ATP2A3: variants seen among roughly 807,000 people sequenced by gnomAD.
ATP2A3 encodes the protein ATPase sarcoplasmic/endoplasmic reticulum Ca2+ transporting 3.
A neutral mutation model predicts 106.8 loss-of-function variants in ATP2A3; 61 were observed. The ratio of observed to expected loss-of-function variants is 0.57; its 90% CI spans 0.46 to 0.71. The LOEUF is 0.71. Among genes scored for constraint, ATP2A3 ranks in the 30% least tolerant of loss-of-function variants. ATP2A3 has a pLI of 0.00. For synonymous variants in ATP2A3, 611 were observed against 609.3 expected, an observed-to-expected ratio of 1.00 and a Z score of -0.04; for missense variants, 1,201 against 1,423.5, an observed-to-expected ratio of 0.84 and a Z score of 2.52.
chr17:3,928,809 T>A lies in ATP2A3; in HGVS notation c.2863-29A>T. 6.6e-7 allele frequency: 1 copy of A among 1,523,500 alleles called. No individual in the cohort carries two copies. The highest frequency in any genetic ancestry group is 8.9e-7 in the Non-Finnish European group (1 of 1,121,866). 94.4% of individuals were successfully genotyped at this position (1,523,500 alleles called of 1,614,324 possible). On this transcript the variant is annotated intron_variant, in intron 19 of 20. Coordinates refer to ENST00000397041, the MANE Select transcript of ATP2A3 (RefSeq NM_005173.4). The surrounding 1 kb of genome is among the most constrained non-coding windows in gnomAD (Gnocchi z 6.1). ...GCGGGGAGGGGAAGGGAGGTTTGGT[T>A]AAAGGAAGGACTGGCTGTCCCGTGC...
At position 3,939,393 on chromosome 17, in the gene ATP2A3, T is replaced by C. The variant is rs142090116; in HGVS notation, c.2100+1578A>G. Among the ~76,000 whole-genome samples the C allele has an allele frequency of 1.1e-4, 17 of 151,916 alleles. 1 individual carries two copies. In the East Asian group the frequency reaches 2.5e-3, roughly 22 times the overall value. On this transcript the variant is annotated intron_variant, in intron 14 of 20. Coordinates refer to ENST00000397041, the MANE Select transcript of ATP2A3 (RefSeq NM_005173.4). The stretch of plus-strand genomic sequence containing the variant: ...GAGAGGCTGAGGTCAGAAGAATAGG[T>C]CAGCAATTAAGAACAAAAACTAGGC...
chr17:3,932,361 C>G (rs1418936914), intron 17 of ATP2A3, among the ~76,000 whole-genome samples: 1 of 152,124 alleles, frequency 6.6e-6, no homozygotes, highest in Non-Finnish European at 1.5e-5. Flanking sequence ...CTAGGCTGGT[C>G]TCGATCTCCT....
Position 3,952,322 on chromosome 17 carries a change from G to A in ATP2A3, c.220-637C>T, listed in dbSNP as rs182782891. 2.0e-4 allele frequency among the ~76,000 whole-genome samples: 30 copies of A among 152,128 alleles called. 1 individual carries two copies. The East Asian group carries it at 2.9e-3, about 15-fold the overall frequency. ...CTGAACTCCTGAGCTCACCCGCCTCGGCCTGCCAAAGTGCTAGGATTACAG... is the reference window on the plus strand; with the variant it reads ...CTGAACTCCTGAGCTCACCCGCCTCAGCCTGCCAAAGTGCTAGGATTACAG... On this transcript the variant is annotated intron_variant, in intron 3 of 20. Coordinates refer to ENST00000397041, the MANE Select transcript of ATP2A3 (RefSeq NM_005173.4).
rs1567704522 is a variant in ATP2A3, at chr17:3,945,348, C to T, written c.1096-200G>A. On this transcript the variant is annotated intron_variant, in intron 8 of 20. Coordinates refer to ENST00000397041, the MANE Select transcript of ATP2A3 (RefSeq NM_005173.4). ...GACCGTCTGCTCTGCCAGATGTGTC[C>T]GGCTCCGGTTTGTCCCAATGTCCTG... is the stretch of plus-strand genomic sequence containing the variant. The T allele has an allele frequency of 9.7e-6, 5 of 515,800 alleles. No individual in the cohort carries two copies. The East Asian group carries it at 1.0e-4, about 11-fold the overall frequency. 32.0% of individuals were successfully genotyped at this position (515,800 alleles called of 1,614,324 possible). A position where few individuals can be genotyped will look rare whatever the true frequency, so the allele number is the denominator to read the frequency against.
rs780933605 is a variant in ATP2A3, at chr17:3,953,372, AG to A, written c.193del (p.Leu65CysfsTer32). On this transcript the variant is annotated frameshift_variant, in exon 3 of 21. Coordinates refer to ENST00000397041, the MANE Select transcript of ATP2A3 (RefSeq NM_005173.4). LOFTEE classifies it high-confidence loss of function. This position sits in a 1 kb window ranked among gnomAD's most constrained non-coding sequence, Gnocchi z 5.1. ...AAAGGAGACAAGGGCAGCCAGCAGC[AG>A]GATGCGCACCAGGAGGTCCTCAAAC... ...EQFEDLLVRI[L>X]LLAALVSFVL... 10 of 1,613,944 alleles carry A rather than the reference AG, an allele frequency of 6.2e-6. No homozygotes were observed. Among genetic ancestry groups the A allele is most frequent in the Non-Finnish European group, 8.5e-6 (10 of 1,180,014 alleles).
At chr17:3,932,089 C>G (rs1006559410) in intron 17 of ATP2A3, among the ~76,000 whole-genome samples, 2 of 152,284 alleles carry the variant, frequency 1.3e-5, no homozygotes. Flanking sequence ...CTCCAAAACT[C>G]AAGCTCCAGC....
chr17:3,935,515 T>C (rs909388566), intron 16 of ATP2A3, among the ~76,000 whole-genome samples: 2 of 148,490 alleles, frequency 1.3e-5, no homozygotes, highest in African/African-American at 2.5e-5. Context: ...TGTGGGCCAA[T>C]GAGAACAGGC....
Position 3,924,925 on chromosome 17 carries a change from C to T in ATP2A3, c.*497G>A. The T allele has an allele frequency of 2.2e-6, 1 of 445,278 alleles. No individual in the cohort carries two copies. The highest frequency in any genetic ancestry group is 4.5e-6 in the Non-Finnish European group (1 of 221,774). 27.6% of individuals were successfully genotyped at this position (445,278 alleles called of 1,614,324 possible). On this transcript the variant is annotated 3_prime_UTR_variant, in exon 21 of 21. Coordinates refer to ENST00000397041, the MANE Select transcript of ATP2A3 (RefSeq NM_005173.4). This position sits in a 1 kb window ranked among gnomAD's most constrained non-coding sequence, Gnocchi z 6.4. ...GGGCCCAGATGGCCCCTTCTGATCCCCCAGGGCTGACCCAGTCCCAGACCA... is the reference window on the plus strand; with the variant it reads ...GGGCCCAGATGGCCCCTTCTGATCCTCCAGGGCTGACCCAGTCCCAGACCA...
At chr17:3,931,231 C>T (rs2053061870) in intron 17 of ATP2A3, among the ~76,000 whole-genome samples, 1 of 152,100 alleles carries the variant, frequency 6.6e-6, no homozygotes, top group East Asian at 1.9e-4. Context: ...GTGCTTCTGA[C>T]AGAGACTAAT....
chr17:3,962,491 T>C (rs192838325), intron 1 of ATP2A3, among the ~76,000 whole-genome samples: 1 of 152,242 alleles, frequency 6.6e-6, no homozygotes, highest in East Asian at 1.9e-4. Flanking sequence ...AGCCCAGCAA[T>C]ATCCCTCCCC....
chr17:3,961,401 G>C (rs2055128199), intron 1 of ATP2A3, among the ~76,000 whole-genome samples: 1 of 151,934 alleles, frequency 6.6e-6, no homozygotes, highest in Admixed American at 6.5e-5. Flanking sequence ...CCCTGTTGGG[G>C]GTTACGGCAG....
chr17:3,940,730 A>T (rs1048733827), intron 14 of ATP2A3, among the ~76,000 whole-genome samples: 1 of 151,680 alleles, frequency 6.6e-6, no homozygotes, highest in African/African-American at 2.4e-5. Context: ...CTTGTCTCGA[A>T]CTCCTGACCT....
intron 1 of ATP2A3, among the ~76,000 whole-genome samples, chr17:3,962,861 A>G (rs1398661598): frequency 6.6e-6 from 1 of 152,126 alleles, no homozygotes; most frequent in Non-Finnish European, 1.5e-5. Context: ...GGGACCGCAG[A>G]CCTGCCTGCG....
At chr17:3,951,428 G>T in intron 4 of ATP2A3, 39 bp from the exon 5 acceptor site, 1 of 1,612,798 alleles carries the variant, frequency 6.2e-7, no homozygotes. Flanking sequence ...TGTCCCTGCT[G>T]CCCCCCGCAG....
At chr17:3,941,328 A>T in intron 13 of ATP2A3, 22 bp from the exon 14 acceptor site, 1 of 1,613,488 alleles carries the variant, frequency 6.2e-7, no homozygotes, top group Non-Finnish European at 8.5e-7. Flanking sequence ...GGGCAGATTC[A>T]AGCGGGGCCT....
intron 17 of ATP2A3, among the ~76,000 whole-genome samples, chr17:3,934,632 A>G (rs2144342309): frequency 6.7e-6 from 1 of 149,464 alleles, no homozygotes; most frequent in East Asian, 2.0e-4. Flanking sequence ...CATGTGATTC[A>G]ACTGCCTCAG....
At chr17:3,950,129 T>C (rs1440248363) in intron 7 of ATP2A3, among the ~76,000 whole-genome samples, 1 of 149,566 alleles carries the variant, frequency 6.7e-6, no homozygotes, top group Non-Finnish European at 1.5e-5. Context: ...ACCACTGCAC[T>C]CCAGCATGGG....
chr17:3,931,712 G>C (rs998473026), intron 17 of ATP2A3, among the ~76,000 whole-genome samples: 1 of 152,012 alleles, frequency 6.6e-6, no homozygotes, highest in Non-Finnish European at 1.5e-5. Flanking sequence ...TAGTGGAGAC[G>C]GGGTTTCACC....
intron 4 of ATP2A3, 35 bp downstream of exon 4, chr17:3,951,546 G>GCCGCCC: frequency 2.3e-6 from 3 of 1,319,564 alleles, no homozygotes; most frequent in Non-Finnish European, 3.1e-6. Context: ...CTGGGAGACC[G>GCCGCCC]CCCCCCGCCC....
Sources: allele counts gnomAD v4.1 joint callset (sites outside exome capture counted in the v4.1 genomes callset), GRCh38; gene constraint gnomAD v4.1.1; non-coding constraint Gnocchi (gnomAD v3.1); transcripts MANE v1.5; gene names NCBI Gene and HGNC (gene_info 2026-07-23, HGNC 2026-07-21).